Variants in ASIC2 observed in about 807,000 individuals in gnomAD.
The protein encoded by ASIC2 is acid sensing ion channel subunit 2.
Under a neutral mutation model 57.3 loss-of-function variants are expected in ASIC2, and 25 were observed. The ratio of observed to expected loss-of-function variants is 0.44; its 90% CI spans 0.32 to 0.61. ASIC2 has a LOEUF of 0.61. Among genes scored for constraint, ASIC2 ranks in the 20% least tolerant of loss-of-function variants. The pLI is 0.06. For missense variants in ASIC2, 641 were observed against 738.1 expected (o/e 0.87, Z 1.52); for synonymous variants, 319 against 307.5 (o/e 1.04, Z -0.39).
chr17:33,046,807 T>C (rs1026482116), intron 3 of ASIC2, among the ~76,000 whole-genome samples: 7 of 152,202 alleles, frequency 4.6e-5, no homozygotes, highest in African/African-American at 1.7e-4. Flanking sequence ...GAGTGGCAGC[T>C]GCAGCAGATT....
At chr17:33,263,744 T>C (rs902143693) in intron 1 of ASIC2, among the ~76,000 whole-genome samples, 14 of 133,188 alleles carry the variant, frequency 1.1e-4, no homozygotes, top group African/African-American at 3.4e-4. Flanking sequence ...TCTGGGCATA[T>C]GAAAGGGGGG....
chr17:33,395,871 C>G (rs991895798), intron 1 of ASIC2, among the ~76,000 whole-genome samples: 1 of 152,004 alleles, frequency 6.6e-6, no homozygotes, highest in Non-Finnish European at 1.5e-5. Flanking sequence ...TACTTCTTAA[C>G]CTCCCCAGAT....
At chr17:33,648,813 A>G (rs928727503) in intron 1 of ASIC2, among the ~76,000 whole-genome samples, 2 of 152,244 alleles carry the variant, frequency 1.3e-5, no homozygotes, top group Admixed American at 6.5e-5. Flanking sequence ...TCATGTTTGA[A>G]TGATTTTCAT....
chr17:33,673,781 T>G (rs1486183236), intron 1 of ASIC2, among the ~76,000 whole-genome samples: 1 of 152,176 alleles, frequency 6.6e-6, no homozygotes, highest in Non-Finnish European at 1.5e-5. Flanking sequence ...AGTGGCTCCC[T>G]GAACCTACCT....
At chr17:33,757,319 AC>A (rs1910635207) in intron 1 of ASIC2, among the ~76,000 whole-genome samples, 1 of 152,186 alleles carries the variant, frequency 6.6e-6, no homozygotes, top group African/African-American at 2.4e-5. Context: ...CTCCTGCGGG[AC>A]AAAAGGCAGA....
intron 3 of ASIC2, among the ~76,000 whole-genome samples, chr17:33,074,125 A>T (rs1046149926): frequency 5.3e-5 from 8 of 152,322 alleles, no homozygotes; most frequent in African/African-American, 1.9e-4. Flanking sequence ...TGAGGCAGAA[A>T]CAGAGAGTTA....
intron 1 of ASIC2, among the ~76,000 whole-genome samples, chr17:34,025,729 G>A (rs906157552): frequency 5.3e-5 from 8 of 152,166 alleles, no homozygotes; most frequent in Admixed American, 3.9e-4. Context: ...ATGGGGCCTT[G>A]AGCCAACCAC....
At chr17:34,077,421 T>C (rs919776489) in intron 1 of ASIC2, among the ~76,000 whole-genome samples, 1 of 152,182 alleles carries the variant, frequency 6.6e-6, no homozygotes, top group South Asian at 2.1e-4. Context: ...CCTCTCCCTT[T>C]GGTGTCCGCG....
At chr17:33,587,071 CTGTT>C (rs1904663990) in intron 1 of ASIC2, among the ~76,000 whole-genome samples, 1 of 152,174 alleles carries the variant, frequency 6.6e-6, no homozygotes, top group Non-Finnish European at 1.5e-5. Context: ...AGCCTGTTGC[CTGTT>C]TGTGTAAATA....
chr17:34,092,772 C>T (rs1335477286), intron 1 of ASIC2, among the ~76,000 whole-genome samples: 1 of 152,170 alleles, frequency 6.6e-6, no homozygotes, highest in African/African-American at 2.4e-5. Context: ...ATAGCTGAAG[C>T]CCTCCATGGC....
intron 1 of ASIC2, among the ~76,000 whole-genome samples, chr17:33,163,842 G>A (rs1426539626): frequency 1.3e-5 from 2 of 152,164 alleles, no homozygotes; most frequent in African/African-American, 2.4e-5. Context: ...TTCAGTAGGT[G>A]GTTGGGGAGG....
At chr17:34,041,802 A>G (rs1908144214) in intron 1 of ASIC2, among the ~76,000 whole-genome samples, 1 of 152,224 alleles carries the variant, frequency 6.6e-6, no homozygotes, top group Non-Finnish European at 1.5e-5. Flanking sequence ...CTAGCAGAAG[A>G]AAACACATAC....
At chr17:34,125,857 C>A (rs1272235749) in intron 1 of ASIC2, among the ~76,000 whole-genome samples, 2 of 152,168 alleles carry the variant, frequency 1.3e-5, no homozygotes, top group African/African-American at 4.8e-5. Context: ...GGTACGAGCT[C>A]AGATACCAAA....
chr17:33,131,862 A>G (rs549214858), intron 1 of ASIC2: 20 of 152,286 alleles, frequency 1.3e-4, no homozygotes, highest in Admixed American at 2.6e-4. Flanking sequence ...AGTGGTAACC[A>G]CCAAATGGGA....
chr17:33,156,969 C>T (rs1000706409), intron 1 of ASIC2, among the ~76,000 whole-genome samples: 1 of 152,152 alleles, frequency 6.6e-6, no homozygotes, highest in Non-Finnish European at 1.5e-5. Flanking sequence ...TCAACCCTTT[C>T]CTTCCCTTGC....
At chr17:33,993,698 T>C (rs1906068676) in intron 1 of ASIC2, among the ~76,000 whole-genome samples, 1 of 152,160 alleles carries the variant, frequency 6.6e-6, no homozygotes, top group South Asian at 2.1e-4. Flanking sequence ...CTGGATGTGT[T>C]TGGTATCATG....
chr17:33,145,339 T>G (rs1352283826), intron 1 of ASIC2, among the ~76,000 whole-genome samples: 1 of 152,202 alleles, frequency 6.6e-6, no homozygotes, highest in Non-Finnish European at 1.5e-5. Context: ...GCCATGCACC[T>G]CGTCCTCTGG....
At chr17:34,074,131 A>G (rs1161667886) in intron 1 of ASIC2, among the ~76,000 whole-genome samples, 1 of 152,166 alleles carries the variant, frequency 6.6e-6, no homozygotes, top group Non-Finnish European at 1.5e-5. Context: ...CTCAAGCCCC[A>G]ACCCAGACCT....
chr17:33,247,216 G>A (rs1365090137), intron 1 of ASIC2, among the ~76,000 whole-genome samples: 4 of 152,202 alleles, frequency 2.6e-5, no homozygotes, highest in African/African-American at 9.7e-5. Context: ...ATAGCCAGTG[G>A]TGAGTTAGGT....
Sources: allele counts gnomAD v4.1 joint callset (sites outside exome capture counted in the v4.1 genomes callset), GRCh38; gene constraint gnomAD v4.1.1; transcripts MANE v1.5; gene names NCBI Gene and HGNC (gene_info 2026-07-23, HGNC 2026-07-21).